Variants in NHSL1 observed in about 807,000 individuals in gnomAD.
NHSL1 encodes NHS like 1, also known as NHS-like protein 1.
In NHSL1, 48 loss-of-function variants were observed where a neutral mutation model predicts 95.0. That is an observed-to-expected ratio of 0.51 (90% CI 0.40 to 0.64). The LOEUF is 0.64. NHSL1 is among the 30% of genes least tolerant of loss of function. The pLI, the probability that NHSL1 is intolerant of heterozygous loss-of-function variation, is 0.00. For synonymous variants in NHSL1, 783 were observed against 833.9 expected, an observed-to-expected ratio of 0.94 and a Z score of 1.05; for missense variants, 1,971 against 2,077.7, an observed-to-expected ratio of 0.95 and a Z score of 1.00.
chr6:138,665,333 A>G (rs1785280885), intron 1 of NHSL1, among the ~76,000 whole-genome samples: 1 of 152,212 alleles, frequency 6.6e-6, no homozygotes, highest in Admixed American at 6.5e-5. Context: ...TATTGCCAAC[A>G]TCCTGCTGAA....
intron 1 of NHSL1, among the ~76,000 whole-genome samples, chr6:138,530,954 T>A (rs1782108748): frequency 1.3e-5 from 2 of 152,082 alleles, no homozygotes; most frequent in African/African-American, 2.4e-5. Flanking sequence ...AGTTTTTGAC[T>A]ATTGAAATAA....
chr6:138,683,876 A>G (rs1159781328), intron 1 of NHSL1, among the ~76,000 whole-genome samples: 2 of 152,246 alleles, frequency 1.3e-5, no homozygotes, highest in African/African-American at 4.8e-5. Context: ...GCGTATGGCC[A>G]ATGTCCAGCA....
At chr6:138,655,646 A>C (rs1184661163) in intron 1 of NHSL1, among the ~76,000 whole-genome samples, 3 of 152,240 alleles carry the variant, frequency 2.0e-5, no homozygotes, top group Non-Finnish European at 2.9e-5. Context: ...TTACTTGCTA[A>C]TACAATGAGT....
At chr6:138,684,652 C>A (rs6940904) in intron 1 of NHSL1, among the ~76,000 whole-genome samples, 69,500 of 150,102 alleles carry the variant, frequency 0.46, 17,453 homozygotes, top group African/African-American at 0.65. Flanking sequence ...CTCAGAAAAA[C>A]AAACAAACAA....
At chr6:138,585,827 G>A (rs1460064249) in intron 1 of NHSL1, among the ~76,000 whole-genome samples, 1 of 151,626 alleles carries the variant, frequency 6.6e-6, no homozygotes, top group Non-Finnish European at 1.5e-5. Context: ...TGGGAGGACT[G>A]CTTGAGGCCA....
chr6:138,495,200 A>G (rs774113746), intron 2 of NHSL1, among the ~76,000 whole-genome samples: 9 of 152,290 alleles, frequency 5.9e-5, no homozygotes, highest in Non-Finnish European at 1.0e-4. Flanking sequence ...CCGAGATCAC[A>G]CCACTGCACT....
chr6:138,575,960 C>CATTTATTT (rs10626397), upstream of NHSL1, among the ~76,000 whole-genome samples: 5,924 of 144,674 alleles, frequency 0.041, 192 homozygotes, highest in African/African-American at 0.074. Context: ...AAAATCCCTA[C>CATTTATTT]ATTTATTTAT....
chr6:138,546,427 C>CAAAAAAAAAAAAAAAAAAAAAAAAAAAA (rs1177720465), upstream of NHSL1, among the ~76,000 whole-genome samples: 2 of 50,918 alleles, frequency 3.9e-5, no homozygotes, highest in African/African-American at 1.3e-4. Context: ...CCCATCTCTA[C>CAAAAAAAAAAAAAAAAAAAAAAAAAAAA]AAAAAAAAAA....
chr6:138,486,954 TC>T (rs1779766499), intron 2 of NHSL1, among the ~76,000 whole-genome samples: 1 of 152,150 alleles, frequency 6.6e-6, no homozygotes, highest in South Asian at 2.1e-4. Flanking sequence ...TGTGGGGGAC[TC>T]TAGCACCCAA....
chr6:138,633,791 C>T lies in NHSL1; in HGVS notation c.96+58685G>A, dbSNP rs138056778. 8.5e-5 allele frequency among the ~76,000 whole-genome samples: 13 copies of T among 152,232 alleles called. 1 individual carries two copies. In the East Asian group the frequency reaches 2.5e-3, roughly 29 times the overall value. The stretch of plus-strand genomic sequence containing the variant: ...CACAGAAAAACACAGAATATTCTGA[C>T]ACTGTAACTGTGGTGTGTAAACTAC... On this transcript the variant is annotated intron_variant, in intron 1 of 3. Coordinates refer to the NHSL1 transcript ENST00000491526.
At chr6:138,543,428 G>A (rs1199106114) in intron 1 of NHSL1, among the ~76,000 whole-genome samples, 1 of 152,194 alleles carries the variant, frequency 6.6e-6, no homozygotes, top group African/African-American at 2.4e-5. Context: ...TTGACAAAAA[G>A]CTGAGCAGAC....
chr6:138,610,047 A>G (rs1784487906), intron 1 of NHSL1, among the ~76,000 whole-genome samples: 1 of 152,082 alleles, frequency 6.6e-6, no homozygotes, highest in African/African-American at 2.4e-5. Context: ...TTTCTTCCCC[A>G]TAACACCCCC....
At chr6:138,677,892 G>A (rs1785468316) in intron 1 of NHSL1, among the ~76,000 whole-genome samples, 1 of 152,208 alleles carries the variant, frequency 6.6e-6, no homozygotes, top group South Asian at 2.1e-4. Flanking sequence ...AGATGCTTAT[G>A]ACGCTGCTTC....
At chr6:138,467,095 GACTATGCT>G (rs1418849639) in intron 3 of NHSL1, among the ~76,000 whole-genome samples, 1 of 151,952 alleles carries the variant, frequency 6.6e-6, no homozygotes, top group Non-Finnish European at 1.5e-5. Context: ...GATAACAAGT[GACTATGCT>G]ACTGGTTTAT....
At chr6:138,458,538 C>T (rs1464064770) in intron 3 of NHSL1, among the ~76,000 whole-genome samples, 1 of 151,884 alleles carries the variant, frequency 6.6e-6, no homozygotes, top group Non-Finnish European at 1.5e-5. Flanking sequence ...ACTAAAAGTA[C>T]AAAAATTAGG....
intron 1 of NHSL1, among the ~76,000 whole-genome samples, chr6:138,614,107 C>T (rs1261015337): frequency 6.6e-6 from 1 of 152,192 alleles, no homozygotes; most frequent in African/African-American, 2.4e-5. Context: ...AACTATACTT[C>T]CTTTCTTTCC....
chr6:138,615,178 C>T (rs995785328), intron 1 of NHSL1, among the ~76,000 whole-genome samples: 9 of 152,182 alleles, frequency 5.9e-5, no homozygotes, highest in African/African-American at 1.7e-4. Context: ...GCCATCCATC[C>T]GTATTGTCTC....
intron 1 of NHSL1, among the ~76,000 whole-genome samples, chr6:138,522,517 C>A (rs890292130): frequency 9.2e-5 from 14 of 152,142 alleles, no homozygotes; most frequent in Non-Finnish European, 1.3e-4. Context: ...TGGCAAGCAC[C>A]TGTAATCCCT....
intron 1 of NHSL1, among the ~76,000 whole-genome samples, chr6:138,520,923 T>A (rs1474512683): frequency 6.6e-6 from 1 of 152,174 alleles, no homozygotes; most frequent in Non-Finnish European, 1.5e-5. Context: ...TAGATCAGTG[T>A]GAAAGTTATC....
Sources: gnomAD v4.1 joint callset for allele counts (sites outside exome capture counted in the v4.1 genomes callset) on GRCh38, gnomAD v4.1.1 for gene constraint, MANE v1.5 for transcripts, NCBI Gene and HGNC (gene_info 2026-07-23, HGNC 2026-07-21) for gene names.